Variants in A1CF observed in about 807,000 individuals in gnomAD.
The protein encoded by A1CF is APOBEC1 complementation factor.
In A1CF, 48 loss-of-function variants were observed where a neutral mutation model predicts 68.9. The observed-to-expected ratio is 0.70, with a 90% CI of 0.55 to 0.89. A1CF has a LOEUF of 0.89. A1CF is among the 40% of genes least tolerant of loss of function. A1CF has a pLI of 0.00. For missense variants in A1CF, 653 were observed against 718.9 expected (o/e 0.91, Z 1.05); for synonymous variants, 272 against 260.4 (o/e 1.04, Z -0.43).
intron 6 of A1CF, among the ~76,000 whole-genome samples, chr10:50,833,743 GTGATAGGT>G (rs1358857420): frequency 2.6e-5 from 4 of 152,136 alleles, no homozygotes; most frequent in Admixed American, 2.6e-4. Flanking sequence ...ATCCAAATGG[GTGATAGGT>G]TTTGTTCTGA....
chr10:50,840,992 T>C (rs2132448863), intron 5 of A1CF, among the ~76,000 whole-genome samples: 1 of 152,338 alleles, frequency 6.6e-6, no homozygotes, highest in African/African-American at 2.4e-5. Context: ...TTGTCCACCA[T>C]GGACCCCCTC....
chr10:50,810,928 A>T, intron 11 of A1CF, 112 bp downstream of exon 11: 1 of 1,211,012 alleles, frequency 8.3e-7, no homozygotes, highest in Non-Finnish European at 1.1e-6. Context: ...GCATTGAATG[A>T]CAAATGAGTA....
intron 3 of A1CF, among the ~76,000 whole-genome samples, chr10:50,855,411 A>G (rs1840433255): frequency 1.3e-5 from 2 of 151,966 alleles, no homozygotes; most frequent in Non-Finnish European, 2.9e-5. Context: ...AAGGCATAAT[A>G]CAATTATGAA....
intron 1 of A1CF, among the ~76,000 whole-genome samples, chr10:50,875,431 A>G (rs1841465565): frequency 1.3e-5 from 2 of 152,190 alleles, no homozygotes. Context: ...AAAGGAAGCA[A>G]AAGCTGTGGG....
intron 3 of A1CF, among the ~76,000 whole-genome samples, chr10:50,858,224 GA>G (rs968421085): frequency 1.3e-5 from 2 of 151,942 alleles, no homozygotes; most frequent in African/African-American, 2.4e-5. Context: ...ACATCAATAT[GA>G]AAAAAATATC....
At chr10:50,855,041 A>G (rs1840414333) in intron 3 of A1CF, among the ~76,000 whole-genome samples, 1 of 151,916 alleles carries the variant, frequency 6.6e-6, no homozygotes, top group African/African-American at 2.4e-5. Context: ...TTTAGTTGCA[A>G]TAGAATTAAA....
chr10:50,850,719 GAGGCC>G, intron 3 of A1CF: 2 of 1,614,006 alleles, frequency 1.2e-6, no homozygotes, highest in Non-Finnish European at 1.7e-6. Context: ...TTCCTTTTTT[GAGGCC>G]AGGAATTGCT....
chr10:50,866,870 T>C (rs1841015495), intron 1 of A1CF, among the ~76,000 whole-genome samples: 1 of 152,138 alleles, frequency 6.6e-6, no homozygotes, highest in Non-Finnish European at 1.5e-5. Context: ...AAATGAGTAA[T>C]ATATGTATAT....
At chr10:50,816,829 C>G (rs899297125) in intron 8 of A1CF, among the ~76,000 whole-genome samples, 2 of 152,196 alleles carry the variant, frequency 1.3e-5, no homozygotes, top group African/African-American at 4.8e-5. Flanking sequence ...TAAGTTTTCA[C>G]TGGAGAAGAG....
At chr10:50,866,825 A>T (rs573634089) in intron 1 of A1CF, among the ~76,000 whole-genome samples, 1 of 152,214 alleles carries the variant, frequency 6.6e-6, no homozygotes, top group Admixed American at 6.5e-5. Context: ...CTAGCAGACC[A>T]TAAGTTGGCA....
chr10:50,835,972 C>A (rs1397968444), intron 6 of A1CF, 102 bp downstream of exon 6: 1 of 1,067,012 alleles, frequency 9.4e-7, no homozygotes, highest in Non-Finnish European at 1.4e-6. Flanking sequence ...TAAAATACAG[C>A]GTAATGAAAG....
At chr10:50,847,049 T>G (rs925074726) in intron 3 of A1CF, among the ~76,000 whole-genome samples, 7 of 152,226 alleles carry the variant, frequency 4.6e-5, no homozygotes, top group Admixed American at 3.9e-4. Flanking sequence ...ATATGTCAGG[T>G]ACTATTTTCA....
Position 50,800,661 on chromosome 10 carries a change from A to G in A1CF, c.*6068T>C, listed in dbSNP as rs1413267148. The stretch of plus-strand genomic sequence containing the variant: ...AGAATAGATTTGAGGGTTAATAACA[A>G]TAGAGCCTGTAAAACTTGTTTAATT... On this transcript the variant is annotated 3_prime_UTR_variant, in exon 13 of 13. Coordinates refer to ENST00000373997, the MANE Select transcript of A1CF (RefSeq NM_014576.4). 1 of 152,212 alleles carries G rather than the reference A, an allele frequency of 6.6e-6. No individual in the cohort carries two copies. Among genetic ancestry groups the G allele is most frequent in the Non-Finnish European group, 1.5e-5 (1 of 68,036 alleles). The allele number at this position is 152,212 out of a possible 1,614,324, so 9.4% of individuals were successfully genotyped here. A position where few individuals can be genotyped will look rare whatever the true frequency, so the allele number is the denominator to read the frequency against.
At chr10:50,854,071 T>G (rs1299337437) in intron 3 of A1CF, among the ~76,000 whole-genome samples, 1 of 151,968 alleles carries the variant, frequency 6.6e-6, no homozygotes, top group East Asian at 1.9e-4. Context: ...TTTTCCATGA[T>G]TTTTTTCTTT....
intron 1 of A1CF, among the ~76,000 whole-genome samples, chr10:50,884,240 T>G (rs1421287108): frequency 6.6e-6 from 1 of 152,224 alleles, no homozygotes; most frequent in East Asian, 1.9e-4. Flanking sequence ...GTATTTATAG[T>G]GTTTTAATAT....
In A1CF at chr10:50,868,818, C is replaced by T. The variant is rs1841114375; in HGVS notation, c.-93-4738G>A. On this transcript the variant is annotated intron_variant, in intron 1 of 12. Transcript: ENST00000373997. ...TTGAATTAACTGTAGCAAACTTACA[C>T]AGGGACAGAACTGAAATGTAAATGT... Among the ~76,000 whole-genome samples, 3 of 152,108 alleles carry T rather than the reference C, an allele frequency of 2.0e-5. No homozygotes were observed. In the South Asian group the frequency reaches 6.2e-4, roughly 32 times the overall value.
intron 1 of A1CF, among the ~76,000 whole-genome samples, chr10:50,884,875 C>T (rs918331027): frequency 2.0e-5 from 3 of 151,864 alleles, no homozygotes; most frequent in African/African-American, 7.3e-5. Flanking sequence ...TTTTGGAGTA[C>T]ACAAAAAAAA....
At chr10:50,824,260 A>G (rs1482900456) in intron 7 of A1CF, 1 of 152,128 alleles carries the variant, frequency 6.6e-6, no homozygotes, top group Non-Finnish European at 1.5e-5. Flanking sequence ...CCGGGCACAC[A>G]TGTCTCTTTA....
At chr10:50,809,396 A>G (rs916686280) in intron 12 of A1CF, among the ~76,000 whole-genome samples, 12 of 152,312 alleles carry the variant, frequency 7.9e-5, no homozygotes, top group African/African-American at 2.6e-4. Flanking sequence ...ATTGCTGAAA[A>G]GCTAATTGCC....
Sources: gnomAD v4.1 joint callset for allele counts (sites outside exome capture counted in the v4.1 genomes callset) on GRCh38, gnomAD v4.1.1 for gene constraint, MANE v1.5 for transcripts, NCBI Gene and HGNC (gene_info 2026-07-23, HGNC 2026-07-21) for gene names.